GRID2: variants seen among roughly 807,000 people sequenced by gnomAD.
GRID2 encodes glutamate receptor ionotropic, delta-2.
A neutral mutation model predicts 114.8 loss-of-function variants in GRID2; 33 were observed. The observed-to-expected ratio is 0.29, with a 90% CI of 0.22 to 0.38. The LOEUF (loss-of-function observed/expected upper bound fraction) is 0.38, where lower values mean the gene tolerates loss of function less well. GRID2 is among the 10% of genes least tolerant of loss of function. GRID2 has a pLI of 1.00. For missense variants in GRID2, 1,184 were observed against 1,257.7 expected (o/e 0.94, Z 0.89); for synonymous variants, 505 against 449.9 (o/e 1.12, Z -1.55).
chr4:92,720,361 T>G (rs915385598), intron 2 of GRID2, among the ~76,000 whole-genome samples: 12 of 152,068 alleles, frequency 7.9e-5, no homozygotes, highest in Non-Finnish European at 1.3e-4. Context: ...GTTACAGTAA[T>G]TCTTTAAAAT....
intron 12 of GRID2, among the ~76,000 whole-genome samples, chr4:93,495,817 C>T (rs982476334): frequency 1.3e-5 from 2 of 151,508 alleles, no homozygotes; most frequent in Non-Finnish European, 3.0e-5. Context: ...TATTTCTAGG[C>T]TAATATTTAC....
chr4:93,149,223 T>G (rs953102170), intron 4 of GRID2, among the ~76,000 whole-genome samples: 1 of 152,118 alleles, frequency 6.6e-6, no homozygotes, highest in Non-Finnish European at 1.5e-5. Flanking sequence ...CTCTCACAGG[T>G]GCTAACCAGC....
At chr4:92,524,739 G>A (rs374150260) in intron 1 of GRID2, among the ~76,000 whole-genome samples, 1 of 151,978 alleles carries the variant, frequency 6.6e-6, no homozygotes, top group Non-Finnish European at 1.5e-5. Context: ...GGGGCTCAGA[G>A]AGTGGGAGTG....
chr4:93,105,777 T>C (rs1006521446), intron 3 of GRID2, among the ~76,000 whole-genome samples: 2 of 152,200 alleles, frequency 1.3e-5, no homozygotes, highest in Non-Finnish European at 2.9e-5. Flanking sequence ...CCTTTGATGC[T>C]CCTGTTCTGT....
At chr4:92,819,384 C>T (rs1741120951) in intron 2 of GRID2, among the ~76,000 whole-genome samples, 1 of 151,984 alleles carries the variant, frequency 6.6e-6, no homozygotes, top group African/African-American at 2.4e-5. Context: ...CTGAGAACCA[C>T]TGGACTAAAA....
intron 8 of GRID2, among the ~76,000 whole-genome samples, chr4:93,277,058 C>T (rs1314408037): frequency 1.3e-5 from 2 of 151,744 alleles, no homozygotes; most frequent in Admixed American, 6.6e-5. Flanking sequence ...GATACAGATG[C>T]ATAAATGTTT....
intron 2 of GRID2, among the ~76,000 whole-genome samples, chr4:92,959,041 A>G (rs550280379): frequency 3.5e-5 from 5 of 141,780 alleles, no homozygotes; most frequent in East Asian, 2.0e-4. Context: ...GATGTTAGTA[A>G]TTTGAGTCCA....
intron 2 of GRID2, among the ~76,000 whole-genome samples, chr4:93,010,555 A>G (rs1049329890): frequency 2.6e-5 from 4 of 152,176 alleles, no homozygotes; most frequent in African/African-American, 9.7e-5. Flanking sequence ...TTGACGCCAG[A>G]AAGGTACCTT....
At chr4:93,014,588 C>T (rs1722498335) in intron 2 of GRID2, among the ~76,000 whole-genome samples, 1 of 151,980 alleles carries the variant, frequency 6.6e-6, no homozygotes. Flanking sequence ...CTTTTGATGA[C>T]AATACTGAAG....
At chr4:93,757,091 A>G (rs1376906823) in intron 14 of GRID2, among the ~76,000 whole-genome samples, 1 of 152,208 alleles carries the variant, frequency 6.6e-6, no homozygotes, top group African/African-American at 2.4e-5. Flanking sequence ...AGCATGAGAA[A>G]AGAATGCCCT....
At chr4:92,994,625 A>G (rs1290249972) in intron 2 of GRID2, among the ~76,000 whole-genome samples, 2 of 151,946 alleles carry the variant, frequency 1.3e-5, no homozygotes, top group African/African-American at 4.8e-5. Flanking sequence ...TGCCCACCCT[A>G]TCATTGTTCT....
At chr4:93,221,834 G>A (rs1744911173) in intron 6 of GRID2, among the ~76,000 whole-genome samples, 1 of 152,150 alleles carries the variant, frequency 6.6e-6, no homozygotes, top group Non-Finnish European at 1.5e-5. Context: ...GTGGACAAAT[G>A]AGGAGACGTA....
intron 2 of GRID2, among the ~76,000 whole-genome samples, chr4:92,743,133 C>G (rs1451949015): frequency 6.6e-6 from 1 of 152,044 alleles, no homozygotes; most frequent in African/African-American, 2.4e-5. Context: ...AAAAATTACC[C>G]TGGTATGATA....
intron 4 of GRID2, among the ~76,000 whole-genome samples, chr4:93,164,173 A>AT (rs1738034278): frequency 6.6e-6 from 1 of 152,034 alleles, no homozygotes; most frequent in South Asian, 2.1e-4. Flanking sequence ...AAAAAAGGTA[A>AT]TTTAGAAAAG....
chr4:93,056,775 A>C (rs1727287932), intron 2 of GRID2, among the ~76,000 whole-genome samples: 1 of 151,958 alleles, frequency 6.6e-6, no homozygotes, highest in Admixed American at 6.6e-5. Flanking sequence ...GAAAGCACAG[A>C]ATTTCTTGCC....
chr4:92,708,825 C>T (rs1031002444), intron 2 of GRID2, among the ~76,000 whole-genome samples: 1 of 152,134 alleles, frequency 6.6e-6, no homozygotes, highest in Non-Finnish European at 1.5e-5. Flanking sequence ...ACTTGGTAGG[C>T]TGACACAGGA....
chr4:93,761,839 T>C (rs559861226), intron 14 of GRID2, among the ~76,000 whole-genome samples: 51 of 152,326 alleles, frequency 3.3e-4, no homozygotes, highest in Non-Finnish European at 6.8e-4. Context: ...TAAGAGATTT[T>C]GCTTAAGAAA....
In GRID2 at chr4:93,595,194, A is replaced by G. The variant is rs145175001; in HGVS notation, c.2194-31075A>G. Among the ~76,000 whole-genome samples, 573 of 152,260 alleles carry G rather than the reference A, an allele frequency of 3.8e-3. 2 individuals carry two copies. Among genetic ancestry groups the G allele is most frequent in the African/African-American group, 0.013 (549 of 41,554 alleles). On this transcript the variant is annotated intron_variant, in intron 13 of 15. Coordinates refer to ENST00000282020, the MANE Select transcript of GRID2 (RefSeq NM_001510.4). ...TCATCTTTTTAGGAAGCCTCCTGTAATATCCCTTTCTTCAATGTCGATTGT... is the reference window on the plus strand; with the variant it reads ...TCATCTTTTTAGGAAGCCTCCTGTAGTATCCCTTTCTTCAATGTCGATTGT...
At chr4:93,086,888 T>G (rs539164845) in intron 3 of GRID2, among the ~76,000 whole-genome samples, 2 of 152,110 alleles carry the variant, frequency 1.3e-5, no homozygotes. Flanking sequence ...ATAACTTAAA[T>G]GGTATTTTCT....
Sources: gnomAD v4.1 joint callset for allele counts (sites outside exome capture counted in the v4.1 genomes callset) on GRCh38, gnomAD v4.1.1 for gene constraint, MANE v1.5 for transcripts, NCBI Gene and HGNC (gene_info 2026-07-23, HGNC 2026-07-21) for gene names.